Variants in ANGPTL2 observed in about 807,000 individuals in gnomAD.
ANGPTL2 encodes angiopoietin like 2.
Under a neutral mutation model 52.8 loss-of-function variants are expected in ANGPTL2, and 25 were observed. The ratio of observed to expected loss-of-function variants is 0.47; its 90% confidence interval spans 0.35 to 0.66. The LOEUF is 0.66. Among genes scored for constraint, ANGPTL2 ranks in the 30% least tolerant of loss-of-function variants. The probability of loss-of-function intolerance (pLI) is 0.01; values close to 1 mark genes in which losing one functional copy is unlikely to be tolerated. For synonymous variants in ANGPTL2, 276 were observed against 277.4 expected (o/e 1.00, Z 0.05); for missense variants, 546 against 656.9 (o/e 0.83, Z 1.84).
chr9:127,114,860 C>A (rs1469412273), intron 1 of ANGPTL2, among the ~76,000 whole-genome samples: 1 of 152,218 alleles, frequency 6.6e-6, no homozygotes, highest in Non-Finnish European at 1.5e-5. Flanking sequence ...GAGCATGAAT[C>A]AAGTTTGTGA....
At chr9:127,112,427 TGCCCATGTGGGCGCAGG>T (rs756882624) in intron 1 of ANGPTL2, among the ~76,000 whole-genome samples, 5 of 152,260 alleles carry the variant, frequency 3.3e-5, no homozygotes, top group Non-Finnish European at 5.9e-5. Context: ...CACCTCTCTG[TGCCCATGTGGGCGCAGG>T]GCTCCACTGT....
At chr9:127,092,926 T>C (rs1026608313) in intron 3 of ANGPTL2, among the ~76,000 whole-genome samples, 1 of 152,108 alleles carries the variant, frequency 6.6e-6, no homozygotes, top group Non-Finnish European at 1.5e-5. Flanking sequence ...GTTTGTGAGC[T>C]TCAGTGTCAG....
intron 1 of ANGPTL2, among the ~76,000 whole-genome samples, chr9:127,113,852 A>T (rs534974710): frequency 1.3e-5 from 2 of 152,208 alleles, no homozygotes; most frequent in Non-Finnish European, 2.9e-5. Context: ...TGGTGGGGCC[A>T]CACATCATGT....
intron 3 of ANGPTL2, 122 bp downstream of exon 3, chr9:127,093,611 G>A (rs980707014): frequency 6.5e-6 from 8 of 1,228,938 alleles, no homozygotes; most frequent in South Asian, 4.3e-5. Flanking sequence ...TGTTGGGGCC[G>A]CACAGGCCTG....
chr9:127,109,287 G>T (rs562440231), intron 1 of ANGPTL2, among the ~76,000 whole-genome samples: 1 of 152,272 alleles, frequency 6.6e-6, no homozygotes, highest in East Asian at 1.9e-4. Context: ...GATCTTCTCT[G>T]TTGGATTCTA....
chr9:127,098,087 C>T (rs927968740), intron 2 of ANGPTL2, among the ~76,000 whole-genome samples: 1 of 152,220 alleles, frequency 6.6e-6, no homozygotes, highest in Non-Finnish European at 1.5e-5. Flanking sequence ...CTCCTCCACA[C>T]ACGTTACTAT....
At chr9:127,098,241 T>C (rs1484113541) in intron 2 of ANGPTL2, among the ~76,000 whole-genome samples, 2 of 151,856 alleles carry the variant, frequency 1.3e-5, no homozygotes, top group African/African-American at 4.8e-5. Context: ...TGAAACTGAG[T>C]TTTCAACGTG....
intron 1 of ANGPTL2, among the ~76,000 whole-genome samples, chr9:127,109,015 G>A (rs930716020): frequency 6.6e-6 from 1 of 152,170 alleles, no homozygotes; most frequent in African/African-American, 2.4e-5. Context: ...GGCATCTGAA[G>A]GCAGGAGGCC....
At chr9:127,096,509 G>A (rs549311875) in intron 2 of ANGPTL2, among the ~76,000 whole-genome samples, 390 of 152,336 alleles carry the variant, frequency 2.6e-3, no homozygotes, top group African/African-American at 8.5e-3. Flanking sequence ...GAGGCGCCAC[G>A]TAGGGAGAGG....
chr9:127,101,850 C>T (rs939340694), intron 2 of ANGPTL2, among the ~76,000 whole-genome samples: 2 of 152,120 alleles, frequency 1.3e-5, no homozygotes, highest in Non-Finnish European at 2.9e-5. Context: ...AGATTTTTCT[C>T]TGTGTGTATA....
chr9:127,090,491 T>C (rs1178603959), intron 4 of ANGPTL2, among the ~76,000 whole-genome samples: 4 of 152,224 alleles, frequency 2.6e-5, no homozygotes, highest in Non-Finnish European at 4.4e-5. Context: ...GTCTGTGTGA[T>C]ACAGGGATGG....
rs2052428263 is a variant in ANGPTL2, at chr9:127,091,240, T to A, written c.1282+430A>T. ...TGAGACCCACGGAGATTTAGCAGTA[T>A]GCCCAAGGACACATGGCTGGTAGGA... On this transcript the variant is annotated intron_variant, in intron 4 of 4. Transcript: ENST00000373425. This position sits in a 1 kb window ranked among gnomAD's most constrained non-coding sequence, Gnocchi z 4.3. 1.3e-5 allele frequency among the ~76,000 whole-genome samples: 2 copies of A among 152,224 alleles called. No individual in the cohort carries two copies.
intron 2 of ANGPTL2, among the ~76,000 whole-genome samples, chr9:127,095,194 C>T (rs898438528): frequency 2.6e-5 from 4 of 152,172 alleles, no homozygotes; most frequent in East Asian, 1.9e-4. Context: ...GTCAGGAGAT[C>T]GAGACCATCC....
At chr9:127,107,038 G>A (rs2054286799) in intron 2 of ANGPTL2, 1 of 152,234 alleles carries the variant, frequency 6.6e-6, no homozygotes, top group African/African-American at 2.4e-5. Flanking sequence ...CAGGGGACTG[G>A]ATGTGTGCTG....
intron 2 of ANGPTL2, among the ~76,000 whole-genome samples, chr9:127,104,810 C>T (rs944529362): frequency 1.1e-4 from 16 of 152,216 alleles, no homozygotes; most frequent in African/African-American, 3.4e-4. Context: ...TGCCAAGGCT[C>T]GGATGCAAAG....
rs1269373664 is a variant in ANGPTL2, at chr9:127,087,350, G to A, written c.*1589C>T. 6.6e-6 allele frequency: 1 copy of A among 152,448 alleles called. No individual in the cohort carries two copies. The highest frequency in any genetic ancestry group is 2.4e-5 in the African/African-American group (1 of 41,360). 9.4% of individuals were successfully genotyped at this position (152,448 alleles called of 1,614,324 possible). ...CACAGAGTGTAGATACATCCAAATA[G>A]CACTGATGGCTTTTATTGCAGATTC... On this transcript the variant is annotated 3_prime_UTR_variant, in exon 5 of 5. Transcript: ENST00000373425.
rs2056148513 is a variant in ANGPTL2 at position 127,122,004 on chromosome 9, A to G, written c.-50+311T>C. Among the ~76,000 whole-genome samples the G allele has an allele frequency of 2.0e-5, 3 of 152,132 alleles. No homozygotes were observed. Among genetic ancestry groups the G allele is most frequent in the African/African-American group, 7.2e-5 (3 of 41,436 alleles). On this transcript the variant is annotated intron_variant, in intron 1 of 4. Transcript: ENST00000373425. This position sits in a 1 kb window ranked among gnomAD's most constrained non-coding sequence, Gnocchi z 6.4. ...CACACCTACACACACGCACACTCCC[A>G]GCTGCTCTGCCGTGCCGGGAGCTGC...
intron 2 of ANGPTL2, among the ~76,000 whole-genome samples, chr9:127,094,932 T>C (rs1216261619): frequency 1.3e-5 from 2 of 152,232 alleles, no homozygotes; most frequent in Non-Finnish European, 2.9e-5. Flanking sequence ...CAGTTTCTTA[T>C]GTTCCATTGT....
chr9:127,108,588 G>A lies in ANGPTL2; in HGVS notation c.144C>T (p.Gly48=), dbSNP rs878915732. 2 of 1,613,430 alleles carry A rather than the reference G, an allele frequency of 1.2e-6. No individual in the cohort carries two copies. The highest frequency in any genetic ancestry group is 2.2e-5 in the East Asian group (1 of 44,818). ...FIYLNRYKRA[G]ESQDKCTYTF... ...TGTAGGTGCACTTGTCCTGGGACTC[G>A]CCCGCCCGCTTGTACCTGTTTAGGT... Residue 48 remains glycine, a synonymous_variant, in exon 2 of 5, where the codon GGC becomes GGT. Coordinates refer to ENST00000373425, the MANE Select transcript of ANGPTL2 (RefSeq NM_012098.3).
Sources: allele counts gnomAD v4.1 joint callset (sites outside exome capture counted in the v4.1 genomes callset), GRCh38; gene constraint gnomAD v4.1.1; non-coding constraint Gnocchi (gnomAD v3.1); transcripts MANE v1.5; gene names NCBI Gene and HGNC (gene_info 2026-07-23, HGNC 2026-07-21).